The following SBF2 variants were observed in gnomAD, a reference collection of about 807,000 sequenced individuals.
SBF2 encodes the protein SET binding factor 2.
SBF2 carries 112 observed loss-of-function variants against 225.2 expected under a neutral mutation model. The ratio of observed to expected loss-of-function variants is 0.50; its 90% confidence interval spans 0.43 to 0.58. The LOEUF (loss-of-function observed/expected upper bound fraction) is 0.58. Ranked by LOEUF, SBF2 falls within the 20% of genes least tolerant of loss-of-function variation. The pLI is 0.00. For synonymous variants in SBF2, 763 were observed against 773.3 expected (o/e 0.99, Z 0.22); for missense variants, 1,996 against 2,206.2 (o/e 0.90, Z 1.91).
intron 1 of SBF2, among the ~76,000 whole-genome samples, chr11:10,254,676 C>T (rs1198409611): frequency 6.6e-6 from 1 of 150,642 alleles, no homozygotes; most frequent in African/African-American, 2.4e-5. Flanking sequence ...GAGGCTGAGG[C>T]GGGTGGGTCA....
At position 9,796,444 on chromosome 11, in the gene SBF2, T is replaced by C. The variant is rs1017322411; in HGVS notation, c.4444-487A>G. 6.6e-5 allele frequency among the ~76,000 whole-genome samples: 10 copies of C among 152,152 alleles called. No individual in the cohort carries two copies. In the East Asian group the frequency reaches 9.6e-4, roughly 15 times the overall value. On this transcript the variant is annotated intron_variant, in intron 32 of 39. Coordinates refer to ENST00000256190, the MANE Select transcript of SBF2 (RefSeq NM_030962.4). ...GCAACTGTGGTGTAATAGTGTGACA[T>C]ACAACAAGAAAAATTGTTCTTACAG...
At chr11:10,109,648 T>G (rs1952740348) in intron 2 of SBF2, among the ~76,000 whole-genome samples, 1 of 152,224 alleles carries the variant, frequency 6.6e-6, no homozygotes, top group East Asian at 1.9e-4. Flanking sequence ...TGACTGTTGT[T>G]GCTTCTACAT....
At chr11:10,186,747 C>A (rs544368516) in intron 2 of SBF2, among the ~76,000 whole-genome samples, 2 of 152,300 alleles carry the variant, frequency 1.3e-5, no homozygotes, top group African/African-American at 4.8e-5. Context: ...TGGTGACCAG[C>A]CCCTATCCTG....
At chr11:9,839,056 T>G in intron 26 of SBF2, 1 of 230,216 alleles carries the variant, frequency 4.3e-6, no homozygotes, top group Non-Finnish European at 8.6e-6. Flanking sequence ...CTGTGGCTGC[T>G]TTTGCGGCAC....
At chr11:10,172,541 CG>C (rs1565314220) in intron 2 of SBF2, among the ~76,000 whole-genome samples, 1 of 151,948 alleles carries the variant, frequency 6.6e-6, no homozygotes, top group African/African-American at 2.4e-5. Flanking sequence ...TTAGTAGAGA[CG>C]GGGTTTCACC....
At chr11:9,803,489 C>T (rs1853608759) in intron 32 of SBF2, among the ~76,000 whole-genome samples, 2 of 152,096 alleles carry the variant, frequency 1.3e-5, no homozygotes, top group African/African-American at 4.8e-5. Context: ...AGCCCCATCC[C>T]CAATAATAAA....
chr11:9,915,048 AAAGAC>A (rs1862958162), intron 16 of SBF2, among the ~76,000 whole-genome samples: 1 of 152,220 alleles, frequency 6.6e-6, no homozygotes, highest in South Asian at 2.1e-4. Flanking sequence ...TCAAAAATTA[AAAGAC>A]AAGTGGAGAA....
At chr11:10,190,282 G>A (rs1957113099) in intron 2 of SBF2, among the ~76,000 whole-genome samples, 1 of 152,040 alleles carries the variant, frequency 6.6e-6, no homozygotes, top group Admixed American at 6.6e-5. Context: ...GTTAACCATA[G>A]AATGCCTCTG....
chr11:9,976,072 C>CTTTTT (rs773334975), intron 13 of SBF2, among the ~76,000 whole-genome samples: 9 of 128,258 alleles, frequency 7.0e-5, no homozygotes, highest in Non-Finnish European at 9.9e-5. Context: ...TCTTCTTCTT[C>CTTTTT]TTTTTTTTTT....
intron 2 of SBF2, among the ~76,000 whole-genome samples, chr11:10,115,764 T>A (rs1054512226): frequency 2.6e-5 from 4 of 152,340 alleles, no homozygotes; most frequent in Non-Finnish European, 5.9e-5. Context: ...ACTTTAATGT[T>A]TCTACAATCA....
chr11:9,794,422 C>A (rs1216083239), intron 33 of SBF2, among the ~76,000 whole-genome samples: 1 of 151,880 alleles, frequency 6.6e-6, no homozygotes, highest in Non-Finnish European at 1.5e-5. Context: ...CGCCTGTAAT[C>A]CCAGCACTTT....
intron 28 of SBF2, among the ~76,000 whole-genome samples, chr11:9,825,991 A>G (rs1590165967): frequency 6.6e-6 from 1 of 152,168 alleles, no homozygotes; most frequent in East Asian, 1.9e-4. Context: ...CATTTTTTTA[A>G]ACGAAGAATC....
At chr11:9,913,229 C>T (rs1333381035) in intron 16 of SBF2, among the ~76,000 whole-genome samples, 1 of 152,152 alleles carries the variant, frequency 6.6e-6, no homozygotes. Context: ...GGGCTGAGAT[C>T]GCGCCACTGC....
intron 17 of SBF2, among the ~76,000 whole-genome samples, chr11:9,866,363 C>T (rs1338194832): frequency 2.0e-5 from 3 of 152,018 alleles, no homozygotes; most frequent in Non-Finnish European, 2.9e-5. Context: ...CAGCATGGTA[C>T]TGCCATAAAA....
intron 32 of SBF2, among the ~76,000 whole-genome samples, chr11:9,802,460 T>A (rs1013798228): frequency 6.6e-6 from 1 of 152,266 alleles, no homozygotes; most frequent in African/African-American, 2.4e-5. Flanking sequence ...TGGACAAGCC[T>A]AGGCATATGT....
At chr11:10,197,901 A>G (rs1253151797) in intron 1 of SBF2, among the ~76,000 whole-genome samples, 1 of 152,184 alleles carries the variant, frequency 6.6e-6, no homozygotes, top group Non-Finnish European at 1.5e-5. Flanking sequence ...TTATCGTGAG[A>G]TTGTAGCAAT....
intron 2 of SBF2, among the ~76,000 whole-genome samples, chr11:10,131,904 G>C (rs1954079010): frequency 6.6e-6 from 1 of 152,060 alleles, no homozygotes; most frequent in Non-Finnish European, 1.5e-5. Flanking sequence ...CATGTTTCTT[G>C]TGTCATGTCT....
intron 2 of SBF2, among the ~76,000 whole-genome samples, chr11:10,092,395 G>C (rs1466579685): frequency 6.6e-6 from 1 of 152,016 alleles, no homozygotes; most frequent in Non-Finnish European, 1.5e-5. Flanking sequence ...TAAATATAAG[G>C]CCGAAGTTGT....
chr11:10,129,694 T>C (rs1003026289), intron 2 of SBF2, among the ~76,000 whole-genome samples: 43 of 150,790 alleles, frequency 2.9e-4, no homozygotes, highest in African/African-American at 1.0e-3. Context: ...ATATTAATTA[T>C]GTCTCTAAAT....
Sources: gnomAD v4.1 joint callset for allele counts (sites outside exome capture counted in the v4.1 genomes callset) on GRCh38, gnomAD v4.1.1 for gene constraint, MANE v1.5 for transcripts, NCBI Gene and HGNC (gene_info 2026-07-23, HGNC 2026-07-21) for gene names.